The following TGFBI variants were observed in gnomAD, a reference collection of about 807,000 sequenced individuals.
TGFBI encodes the protein transforming growth factor-beta-induced protein ig-h3.
TGFBI carries 50 observed loss-of-function variants against 73.7 expected under a neutral mutation model. That is an observed-to-expected ratio of 0.68 (90% CI 0.54 to 0.86). TGFBI has a LOEUF of 0.86. Among genes scored for constraint, TGFBI ranks in the 40% least tolerant of loss-of-function variants. TGFBI has a pLI of 0.00. For synonymous variants in TGFBI, 362 were observed against 360.5 expected (o/e 1.00, Z -0.05); for missense variants, 839 against 877.0 (o/e 0.96, Z 0.55).
intron 6 of TGFBI, chr5:136,048,576 A>G (rs1751477573): frequency 6.6e-6 from 1 of 152,336 alleles, no homozygotes; most frequent in Non-Finnish European, 1.5e-5. Context: ...ATTTATGTCA[A>G]GTGGGCAGGT....
At position 136,044,045 on chromosome 5, in the gene TGFBI, T is replaced by G. The variant is rs779826356; in HGVS notation, c.234-13T>G. The G allele has an allele frequency of 2.5e-6, 4 of 1,612,060 alleles. No individual in the cohort carries two copies. The Admixed American group carries it at 6.7e-5, about 27-fold the overall frequency. Reference sequence around the variant, plus strand: ...AGCCCTGCCTAACACAATGTATGGTTGTCTTGTTACAGAGTCATCAGCTAC... The same window carrying G: ...AGCCCTGCCTAACACAATGTATGGTGGTCTTGTTACAGAGTCATCAGCTAC... On this transcript the variant is annotated splice_polypyrimidine_tract_variant and intron_variant, in intron 2 of 16. Transcript: ENST00000442011.
intron 14 of TGFBI, 128 bp downstream of exon 14, chr5:136,061,064 A>G (rs1751738526): frequency 3.0e-5 from 21 of 704,750 alleles, no homozygotes; most frequent in South Asian, 2.9e-4. Flanking sequence ...AACTGTGCCT[A>G]TGTGACTGAT....
rs1256560872 is a variant in TGFBI, at chr5:136,049,446, T to C, written c.779T>C (p.Val260Ala). ...CTTCTCTCCTCCCCACAGGCTGCTG[T>C]GGCTGCATCAGGGCTCAACACGATG... ...EDTFETLRAAVAASGLNTMLE... is the reference protein window; with the variant it reads ...EDTFETLRAAAAASGLNTMLE... The change falls in exon 7 of 17, where the codon GTG becomes GCG. Residue 260 changes from valine to alanine, a missense_variant. By Grantham distance (64) the Val-to-Ala change is moderately conservative. Transcript: ENST00000442011. The C allele has an allele frequency of 1.9e-6, 3 of 1,613,886 alleles. No homozygotes were observed. Among genetic ancestry groups the C allele is most frequent in the East Asian group, 2.2e-5 (1 of 44,876 alleles).
chr5:136,057,715 A>G (rs1359903027), intron 12 of TGFBI, among the ~76,000 whole-genome samples: 1 of 152,082 alleles, frequency 6.6e-6, no homozygotes, highest in Non-Finnish European at 1.5e-5. Flanking sequence ...CACATTGTCT[A>G]CACCTCCCTT....
chr5:136,046,489 G>A lies in TGFBI; in HGVS notation c.453G>A (p.Leu151=). 6.2e-7 allele frequency: 1 copy of A among 1,605,806 alleles called. No homozygotes were observed. ...CTAGCAACGAGGCCTGGGCCTCCTTGCCAGCTGTGAGATGACCTCCGTCTG... is the reference window on the plus strand; with the variant it reads ...CTAGCAACGAGGCCTGGGCCTCCTTACCAGCTGTGAGATGACCTCCGTCTG... ...FAPSNEAWAS[L]PAEVLDSLVS... The change falls in exon 4 of 17, where the codon TTG becomes TTA. Residue 151 remains leucine, a synonymous_variant. Transcript: ENST00000442011.
chr5:136,058,978 G>A (rs1580722231), intron 12 of TGFBI, 112 bp from the exon 13 acceptor site: 9 of 1,357,956 alleles, frequency 6.6e-6, no homozygotes, highest in South Asian at 5.9e-5. Context: ...CCCTGGGCAG[G>A]GAGTTCTTCA....
chr5:136,047,720 TC>T, intron 6 of TGFBI: 1 of 332,496 alleles, frequency 3.0e-6, no homozygotes, highest in Non-Finnish European at 5.6e-6. Flanking sequence ...CACTGTGGCT[TC>T]CAGAGGTGGC....
chr5:136,042,896 A>G (rs17169726), intron 2 of TGFBI, among the ~76,000 whole-genome samples: 7,278 of 152,216 alleles, frequency 0.048, 441 homozygotes, highest in African/African-American at 0.14. Flanking sequence ...TCCTGGGCAC[A>G]CTGAGAGCAC....
At position 136,042,296 on chromosome 5, in the gene TGFBI, G is replaced by A. The variant is rs372679265; in HGVS notation, c.234-1762G>A. 1.9e-4 allele frequency among the ~76,000 whole-genome samples: 29 copies of A among 152,330 alleles called. No individual in the cohort carries two copies. In the East Asian group the frequency reaches 3.3e-3, roughly 17 times the overall value. ...AAATATGGACTAGAATCGTGAGTGT[G>A]AGATTGCAAGTAACTTTTAAAATCA... On this transcript the variant is annotated intron_variant, in intron 2 of 16. Coordinates refer to ENST00000442011, the MANE Select transcript of TGFBI (RefSeq NM_000358.3).
chr5:136,062,739 C>A (rs191067379), intron 16 of TGFBI, 52 bp downstream of exon 16: 1 of 1,529,496 alleles, frequency 6.5e-7, no homozygotes, highest in Non-Finnish European at 8.9e-7. Context: ...GGCCTTACCC[C>A]CAAGCAAGCC....
intron 2 of TGFBI, among the ~76,000 whole-genome samples, chr5:136,036,120 G>A (rs1377381167): frequency 6.6e-6 from 1 of 152,150 alleles, no homozygotes; most frequent in African/African-American, 2.4e-5. Context: ...TCAACCCCTC[G>A]GGGGCAGGTT....
rs200887459 is a variant in TGFBI, at chr5:136,059,152, G to C, written c.1741G>C (p.Gly581Arg). The change falls in exon 13 of 17, where the codon GGA (glycine) becomes CGA (arginine). Residue 581 changes from glycine to arginine, a missense_variant. Coordinates refer to ENST00000442011, the MANE Select transcript of TGFBI (RefSeq NM_000358.3). ...CATTGGTGATGAAATCCTGGTTAGC[G>C]GAGGCATCGGGGCCCTGGTGCGGCT... ...YHIGDEILVS[G>R]GIGALVRLKS... The C allele has an allele frequency of 3.1e-6, 5 of 1,610,930 alleles. No homozygotes were observed. Among genetic ancestry groups the C allele is most frequent in the Non-Finnish European group, 4.2e-6 (5 of 1,178,910 alleles).
intron 7 of TGFBI, chr5:136,049,937 G>C (rs74798298): frequency 5.3e-6 from 1 of 187,576 alleles, no homozygotes; most frequent in African/African-American, 2.3e-5. Context: ...CAGGTGTGGG[G>C]GTGGCAGATA....
intron 15 of TGFBI, 179 bp downstream of exon 15, chr5:136,061,758 A>T: frequency 1.5e-6 from 1 of 669,964 alleles, no homozygotes; most frequent in Non-Finnish European, 2.7e-6. Flanking sequence ...AGAGTAAAGA[A>T]CCAAGGCAAC....
intron 11 of TGFBI, 118 bp from the exon 12 acceptor site, chr5:136,056,547 G>T: frequency 7.4e-7 from 1 of 1,346,476 alleles, no homozygotes; most frequent in South Asian, 1.3e-5. Flanking sequence ...GCATTCCAGT[G>T]GCCTGGACTC....
intron 2 of TGFBI, among the ~76,000 whole-genome samples, chr5:136,040,048 C>G (rs763238964): frequency 2.6e-5 from 4 of 152,248 alleles, no homozygotes; most frequent in Non-Finnish European, 5.9e-5. Context: ...AATTAATCCC[C>G]AGGCATTTAC....
chr5:136,042,639 A>C (rs1751359731), intron 2 of TGFBI, among the ~76,000 whole-genome samples: 1 of 151,850 alleles, frequency 6.6e-6, no homozygotes, highest in Non-Finnish European at 1.5e-5. Flanking sequence ...TGGAGAAAAA[A>C]ACAAAAGAGG....
Position 136,033,774 on chromosome 5 carries a change from G to T in TGFBI, c.146G>T (p.Cys49Phe). The T allele has an allele frequency of 6.2e-7, 1 of 1,613,936 alleles. No homozygotes were observed. The highest frequency in any genetic ancestry group is 8.5e-7 in the Non-Finnish European group (1 of 1,179,844). Residue 49 changes from cysteine (C) to phenylalanine (F), a missense_variant, in exon 2 of 17, where the codon TGT becomes TTT. Physicochemically the swap from Cys to Phe is radical, Grantham distance 205. Transcript: ENST00000442011. ...LRGRQHGPNVCAVQKVIGTNR... is the reference protein window; with the variant it reads ...LRGRQHGPNVFAVQKVIGTNR... Reference sequence around the variant, plus strand: ...GCTTTTGTTTTCAGCCCCAACGTGTGTGCTGTGCAGAAGGTTATTGGCACT... The same window carrying T: ...GCTTTTGTTTTCAGCCCCAACGTGTTTGCTGTGCAGAAGGTTATTGGCACT...
At chr5:136,056,859 A>C in intron 12 of TGFBI, 64 bp downstream of exon 12, 1 of 1,531,832 alleles carries the variant, frequency 6.5e-7, no homozygotes, top group East Asian at 2.4e-5. Flanking sequence ...GGGCCCCAGC[A>C]GCAAACAGTT....
Sources: allele counts gnomAD v4.1 joint callset (sites outside exome capture counted in the v4.1 genomes callset), GRCh38; gene constraint gnomAD v4.1.1; transcripts MANE v1.5; gene names NCBI Gene and HGNC (gene_info 2026-07-23, HGNC 2026-07-21).